CDC42BPA: variants seen among roughly 807,000 people sequenced by gnomAD.
CDC42BPA encodes the protein CDC42 binding protein kinase alpha, also known as serine/threonine-protein kinase MRCK alpha.
A neutral mutation model predicts 223.5 loss-of-function variants in CDC42BPA; 80 were observed. The observed-to-expected ratio is 0.36, with a 90% CI of 0.30 to 0.43. The LOEUF is 0.43. Ranked by LOEUF, CDC42BPA falls within the 20% of genes least tolerant of loss-of-function variation. CDC42BPA has a pLI of 1.00. For missense variants in CDC42BPA, 1,743 were observed against 2,099.9 expected (o/e 0.83, Z 3.32); for synonymous variants, 694 against 718.6 (o/e 0.97, Z 0.55).
intron 1 of CDC42BPA, among the ~76,000 whole-genome samples, chr1:227,271,809 A>G (rs925030300): frequency 6.6e-6 from 1 of 152,150 alleles, no homozygotes; most frequent in Non-Finnish European, 1.5e-5. Flanking sequence ...GTAGTTACCT[A>G]CTCAATCTTC....
chr1:227,213,047 A>C, intron 3 of CDC42BPA, 89 bp downstream of exon 3: 1 of 639,658 alleles, frequency 1.6e-6, no homozygotes, highest in Non-Finnish European at 2.6e-6. Flanking sequence ...AAATGTTACC[A>C]AGTAATATTT....
intron 22 of CDC42BPA, among the ~76,000 whole-genome samples, chr1:227,048,753 G>GAAAAAAAAA (rs34655609): frequency 8.9e-6 from 1 of 112,552 alleles, no homozygotes; most frequent in African/African-American, 3.3e-5. Flanking sequence ...AAAGTAGTGA[G>GAAAAAAAAA]AAAAAAAAAA....
chr1:227,146,365 G>A (rs1660705295), intron 7 of CDC42BPA, among the ~76,000 whole-genome samples: 1 of 151,976 alleles, frequency 6.6e-6, no homozygotes, highest in African/African-American at 2.4e-5. Context: ...TGATGTACAT[G>A]CTATTTACAA....
At chr1:227,069,729 T>G (rs752469825) in intron 21 of CDC42BPA, 48 bp downstream of exon 21, 2 of 1,318,346 alleles carry the variant, frequency 1.5e-6, no homozygotes, top group Admixed American at 1.8e-5. Context: ...AATTACAAAG[T>G]GAATTTTAAA....
At chr1:227,144,904 G>A (rs1429102418) in intron 8 of CDC42BPA, among the ~76,000 whole-genome samples, 3 of 152,120 alleles carry the variant, frequency 2.0e-5, no homozygotes, top group Non-Finnish European at 4.4e-5. Context: ...CACTGGGCTT[G>A]GGTATTTAGT....
At chr1:227,291,375 C>G (rs1368486935) in intron 1 of CDC42BPA, among the ~76,000 whole-genome samples, 1 of 151,988 alleles carries the variant, frequency 6.6e-6, no homozygotes, top group African/African-American at 2.4e-5. Flanking sequence ...ATGGTGAAAC[C>G]CCGTCTCTAC....
chr1:227,272,760 A>T (rs1197646233), intron 1 of CDC42BPA, among the ~76,000 whole-genome samples: 2 of 152,044 alleles, frequency 1.3e-5, no homozygotes, highest in Non-Finnish European at 2.9e-5. Context: ...ATTTTAAAAC[A>T]TATTTTTAAA....
intron 35 of CDC42BPA, chr1:227,003,983 T>C (rs1663469591): frequency 6.6e-6 from 1 of 152,202 alleles, no homozygotes; most frequent in Non-Finnish European, 1.5e-5. Context: ...GCATGAATGT[T>C]ATCTTTATTG....
At chr1:227,152,683 A>G (rs1056863059) in intron 6 of CDC42BPA, among the ~76,000 whole-genome samples, 2 of 152,206 alleles carry the variant, frequency 1.3e-5, no homozygotes, top group African/African-American at 4.8e-5. Flanking sequence ...CACGTAAGAT[A>G]CTAGAAATAA....
intron 1 of CDC42BPA, among the ~76,000 whole-genome samples, chr1:227,267,113 G>C (rs1685133559): frequency 6.6e-6 from 1 of 152,120 alleles, no homozygotes; most frequent in Admixed American, 6.5e-5. Flanking sequence ...ATCACAAAAA[G>C]TTTGGTCCTA....
chr1:227,296,699 C>A (rs1690693766), intron 1 of CDC42BPA, among the ~76,000 whole-genome samples: 1 of 140,960 alleles, frequency 7.1e-6, no homozygotes. Flanking sequence ...GAGAGAGACT[C>A]TCCCCACATC....
intron 35 of CDC42BPA, chr1:227,004,355 G>C (rs2148355093): frequency 6.4e-6 from 1 of 155,482 alleles, no homozygotes; most frequent in Middle Eastern, 3.4e-3. Flanking sequence ...CTCCTATCTG[G>C]ATGCTGGCTT....
chr1:227,186,667 A>G (rs1029687974), intron 5 of CDC42BPA, among the ~76,000 whole-genome samples: 2 of 152,190 alleles, frequency 1.3e-5, no homozygotes, highest in Non-Finnish European at 2.9e-5. Flanking sequence ...GCCCCTTGCC[A>G]CTACATCACT....
At chr1:227,177,361 T>A (rs777243672) in intron 5 of CDC42BPA, among the ~76,000 whole-genome samples, 25 of 152,140 alleles carry the variant, frequency 1.6e-4, no homozygotes, top group Non-Finnish European at 3.2e-4. Flanking sequence ...GAAGAAAATA[T>A]CCCCAGATAC....
chr1:227,216,427 T>C (rs993894068), intron 2 of CDC42BPA, among the ~76,000 whole-genome samples: 15 of 152,236 alleles, frequency 9.9e-5, no homozygotes, highest in African/African-American at 3.6e-4. Context: ...TTTTCAAACC[T>C]ATCTTATAAC....
Position 227,147,384 on chromosome 1 carries a change from G to A in CDC42BPA, c.869C>T (p.Thr290Ile). The A allele has an allele frequency of 6.2e-7, 1 of 1,611,102 alleles. No homozygotes were observed. The highest frequency in any genetic ancestry group is 2.2e-5 in the East Asian group (1 of 44,712). ...TTTGTGGTTCATGATTTTTCCGTATGTCTCCACCAGCGATTCTGCATAAAA... is the reference window on the plus strand; with the variant it reads ...TTTGTGGTTCATGATTTTTCCGTATATCTCCACCAGCGATTCTGCATAAAA... ...TPFYAESLVETYGKIMNHKER... is the reference protein window; with the variant it reads ...TPFYAESLVEIYGKIMNHKER... The change falls in exon 7 of 37, where the codon ACA (threonine) becomes ATA (isoleucine). Residue 290 changes from threonine (T) to isoleucine (I), a missense_variant. Thr to Ile is a moderately conservative substitution (Grantham distance 89). Transcript: ENST00000366766.
intron 6 of CDC42BPA, among the ~76,000 whole-genome samples, chr1:227,160,264 G>C (rs1035781266): frequency 6.6e-6 from 1 of 152,166 alleles, no homozygotes; most frequent in African/African-American, 2.4e-5. Flanking sequence ...AAGTACAACA[G>C]AAGTCACCAA....
intron 1 of CDC42BPA, among the ~76,000 whole-genome samples, chr1:227,300,863 A>G (rs888110272): frequency 2.6e-5 from 4 of 152,238 alleles, no homozygotes; most frequent in African/African-American, 9.6e-5. Flanking sequence ...TTGCATTTAC[A>G]AGTATCAACT....
intron 3 of CDC42BPA, among the ~76,000 whole-genome samples, chr1:227,205,289 T>A (rs984542319): frequency 0.14 from 12,140 of 89,820 alleles, 764 homozygotes; most frequent in Non-Finnish European, 0.18. Flanking sequence ...AAAAAATATA[T>A]ATATATATAT....
Sources: gnomAD v4.1 joint callset for allele counts (sites outside exome capture counted in the v4.1 genomes callset) on GRCh38, gnomAD v4.1.1 for gene constraint, MANE v1.5 for transcripts, NCBI Gene and HGNC (gene_info 2026-07-23, HGNC 2026-07-21) for gene names.